DCAF6: variants seen among roughly 807,000 people sequenced by gnomAD.
DCAF6 encodes DDB1 and CUL4 associated factor 6.
DCAF6 carries 54 observed loss-of-function variants against 125.1 expected under a neutral mutation model. The observed-to-expected ratio is 0.43, with a 90% confidence interval of 0.35 to 0.54. The LOEUF is 0.54. Among genes scored for constraint, DCAF6 ranks in the 20% least tolerant of loss-of-function variants. The probability of loss-of-function intolerance (pLI) is 0.01; values close to 1 mark genes in which losing one functional copy is unlikely to be tolerated. For missense variants in DCAF6, 934 were observed against 1,161.7 expected, an observed-to-expected ratio of 0.80 and a Z score of 2.85; for synonymous variants, 371 against 390.4, an observed-to-expected ratio of 0.95 and a Z score of 0.58.
intron 7 of DCAF6, among the ~76,000 whole-genome samples, chr1:167,997,753 T>C (rs1681961195): frequency 6.6e-6 from 1 of 152,204 alleles, no homozygotes; most frequent in Admixed American, 6.6e-5. Context: ...TACAGTTTAG[T>C]ATCCAGAATG....
intron 13 of DCAF6, 61 bp downstream of exon 13, chr1:168,038,549 A>G: frequency 8.4e-7 from 1 of 1,184,178 alleles, no homozygotes; most frequent in South Asian, 1.4e-5. Flanking sequence ...TTAGATTTTA[A>G]TTTTTAACAC....
the DCAF6 span, chr1:167,880,408 T>A: frequency 9.1e-7 from 1 of 1,102,864 alleles, no homozygotes; most frequent in Admixed American, 1.7e-5. Context: ...AATTCTTCTT[T>A]CTTTCCTGTT....
chr1:167,968,849 T>C (rs1372400964), intron 3 of DCAF6, among the ~76,000 whole-genome samples: 1 of 152,214 alleles, frequency 6.6e-6, no homozygotes, highest in Non-Finnish European at 1.5e-5. Flanking sequence ...GCATAATCTA[T>C]AAAAGTGAAG....
At chr1:167,883,745 G>A in the DCAF6 span, 13 of 914,688 alleles carry the variant, frequency 1.4e-5, no homozygotes, top group Non-Finnish European at 2.3e-5. Flanking sequence ...AATGGGTGAG[G>A]TACAACATGA....
At chr1:168,036,666 G>T (rs1321265701) in intron 12 of DCAF6, among the ~76,000 whole-genome samples, 1 of 152,180 alleles carries the variant, frequency 6.6e-6, no homozygotes, top group Non-Finnish European at 1.5e-5. Flanking sequence ...GAGGGTCAAG[G>T]ATAGGGCAGA....
At chr1:168,054,480 A>G (rs1690349633) in intron 17 of DCAF6, among the ~76,000 whole-genome samples, 1 of 152,216 alleles carries the variant, frequency 6.6e-6, no homozygotes, top group Non-Finnish European at 1.5e-5. Context: ...CCCACCTCTC[A>G]GTACTGCCAC....
chr1:167,888,066 TTG>T, the DCAF6 span, among the ~76,000 whole-genome samples: 3 of 152,220 alleles, frequency 2.0e-5, no homozygotes. Flanking sequence ...CTTGGCTCTT[TTG>T]TCAAAAATTA....
chr1:167,928,359 T>G, the DCAF6 span, among the ~76,000 whole-genome samples: 1 of 151,846 alleles, frequency 6.6e-6, no homozygotes. Context: ...TTAACAAAAT[T>G]TTAAAGAAAA....
At chr1:167,874,176 T>G in the DCAF6 span, among the ~76,000 whole-genome samples, 1 of 151,822 alleles carries the variant, frequency 6.6e-6, no homozygotes, top group African/African-American at 2.4e-5. Flanking sequence ...CACTAAAATA[T>G]AAAAATTAGC....
intron 7 of DCAF6, among the ~76,000 whole-genome samples, chr1:167,994,090 A>G (rs1415214916): frequency 6.6e-6 from 1 of 151,960 alleles, no homozygotes; most frequent in Non-Finnish European, 1.5e-5. Context: ...ATAGTAAATA[A>G]TTACTAGCGT....
chr1:168,065,401 G>GC (rs1692195146), intron 18 of DCAF6, among the ~76,000 whole-genome samples, 189 bp from the exon 19 acceptor site: 1 of 151,972 alleles, frequency 6.6e-6, no homozygotes, highest in South Asian at 2.1e-4. Context: ...TCCTGCCTTG[G>GC]CCTCCCAAAG....
chr1:167,870,857 C>T, the DCAF6 span, among the ~76,000 whole-genome samples: 1 of 150,722 alleles, frequency 6.6e-6, no homozygotes, highest in Admixed American at 6.6e-5. Flanking sequence ...CACAGACTTT[C>T]TTCAAGCCTT....
upstream of DCAF6, among the ~76,000 whole-genome samples, chr1:167,932,767 C>T (rs1187442402): frequency 6.7e-6 from 1 of 148,664 alleles, no homozygotes; most frequent in African/African-American, 2.5e-5. Flanking sequence ...CCAGATCACA[C>T]CACTGCACTC....
chr1:167,870,232 A>T, the DCAF6 span: 1 of 1,613,662 alleles, frequency 6.2e-7, no homozygotes. Context: ...GGGTTCACAC[A>T]GAACAATCAT....
chr1:168,064,674 TAGAG>T (rs1223037683), intron 18 of DCAF6, among the ~76,000 whole-genome samples: 5 of 152,152 alleles, frequency 3.3e-5, no homozygotes, highest in African/African-American at 1.2e-4. Context: ...TGAAAATAAT[TAGAG>T]GAAGGAGTGA....
intron 16 of DCAF6, among the ~76,000 whole-genome samples, chr1:168,045,847 A>G (rs6687064): frequency 0.019 from 2,836 of 152,234 alleles, 78 homozygotes; most frequent in African/African-American, 0.065. Flanking sequence ...GTTAAAATAA[A>G]TTTTTAAAGT....
intron 10 of DCAF6, among the ~76,000 whole-genome samples, chr1:168,012,074 GA>G (rs1181832944): frequency 6.6e-6 from 1 of 152,202 alleles, no homozygotes; most frequent in East Asian, 1.9e-4. Flanking sequence ...GGAGGTCAGT[GA>G]AGAAGTGACC....
intron 3 of DCAF6, among the ~76,000 whole-genome samples, chr1:167,971,911 A>G (rs1471864382): frequency 6.6e-6 from 1 of 152,082 alleles, no homozygotes; most frequent in East Asian, 1.9e-4. Context: ...GCTGCAGTGC[A>G]GTGGCGTATT....
the DCAF6 span, chr1:167,924,526 C>A: frequency 6.4e-7 from 1 of 1,574,150 alleles, no homozygotes; most frequent in Non-Finnish European, 8.6e-7. Flanking sequence ...CAGAAGAAAA[C>A]TGTTCTGGGA....
Sources: allele counts gnomAD v4.1 joint callset (sites outside exome capture counted in the v4.1 genomes callset), GRCh38; gene constraint gnomAD v4.1.1; transcripts MANE v1.5; gene names NCBI Gene and HGNC (gene_info 2026-07-23, HGNC 2026-07-21).